Variants in SHTN1 observed in about 807,000 individuals in gnomAD.
SHTN1 encodes the protein shootin-1.
Under a neutral mutation model 83.1 loss-of-function variants are expected in SHTN1, and 42 were observed. The observed-to-expected ratio is 0.51, with a 90% CI of 0.39 to 0.65. The LOEUF (loss-of-function observed/expected upper bound fraction) is 0.65, where lower values mean the gene tolerates loss of function less well. Among genes scored for constraint, SHTN1 ranks in the 30% least tolerant of loss-of-function variants. The pLI is 0.00. For missense variants in SHTN1, 622 were observed against 737.8 expected (o/e 0.84, Z 1.82); for synonymous variants, 224 against 247.7 (o/e 0.90, Z 0.90).
intron 14 of SHTN1, chr10:116,907,763 A>G: frequency 2.3e-6 from 1 of 437,004 alleles, no homozygotes; most frequent in South Asian, 1.7e-5. Flanking sequence ...TGATCAGAGG[A>G]CATAAGAACC....
chr10:116,986,183 A>G (rs1230984488), intron 1 of SHTN1, among the ~76,000 whole-genome samples: 1 of 152,200 alleles, frequency 6.6e-6, no homozygotes, highest in Non-Finnish European at 1.5e-5. Flanking sequence ...TCTGTCATGT[A>G]AGGAGCTTGT....
intron 3 of SHTN1, among the ~76,000 whole-genome samples, chr10:116,960,839 AAATT>A (rs1407277942): frequency 3.3e-5 from 5 of 152,212 alleles, no homozygotes; most frequent in Non-Finnish European, 7.4e-5. Flanking sequence ...AGATGCTAAT[AAATT>A]ACTTCCTGAA....
intron 1 of SHTN1, among the ~76,000 whole-genome samples, chr10:116,980,640 T>TA (rs1230309968): frequency 6.8e-6 from 1 of 146,956 alleles, no homozygotes; most frequent in African/African-American, 2.5e-5. Flanking sequence ...GAAACAGAAA[T>TA]AAAAAATCCG....
chr10:117,024,348 CTTTTTTTTTT>C (rs1174576153), intron 2 of SHTN1, among the ~76,000 whole-genome samples: 2 of 77,710 alleles, frequency 2.6e-5, no homozygotes, highest in African/African-American at 5.2e-5. Flanking sequence ...CAAAACTTTT[CTTTTTTTTTT>C]TTTTTTTTTT....
intron 1 of SHTN1, among the ~76,000 whole-genome samples, chr10:117,057,010 C>A (rs527474002): frequency 2.4e-4 from 36 of 152,212 alleles, no homozygotes; most frequent in African/African-American, 8.7e-4. Flanking sequence ...ACTGGAAGTT[C>A]TAGCTACCGC....
intron 1 of SHTN1, among the ~76,000 whole-genome samples, chr10:117,105,831 A>C (rs1853661169): frequency 6.6e-6 from 1 of 152,128 alleles, no homozygotes; most frequent in African/African-American, 2.4e-5. Context: ...AGGCCCGGGC[A>C]ACATAGTGAA....
intron 1 of SHTN1, among the ~76,000 whole-genome samples, chr10:117,094,166 T>A (rs1377584589): frequency 6.6e-6 from 1 of 152,170 alleles, no homozygotes; most frequent in Non-Finnish European, 1.5e-5. Flanking sequence ...AAAAATGTAT[T>A]GCCCCAAAAA....
At chr10:117,002,895 T>A (rs1386296577) in intron 1 of SHTN1, among the ~76,000 whole-genome samples, 1 of 152,188 alleles carries the variant, frequency 6.6e-6, no homozygotes, top group Non-Finnish European at 1.5e-5. Context: ...AGGAAATATA[T>A]CCTCTAAAAA....
upstream of SHTN1, among the ~76,000 whole-genome samples, chr10:117,006,295 A>G (rs940237936): frequency 2.3e-4 from 34 of 150,542 alleles, no homozygotes; most frequent in African/African-American, 7.1e-4. Flanking sequence ...GGCCGGGCAC[A>G]GTGGCTCACG....
chr10:116,979,990 T>C (rs1197006026), intron 1 of SHTN1, among the ~76,000 whole-genome samples: 1 of 152,126 alleles, frequency 6.6e-6, no homozygotes, highest in African/African-American at 2.4e-5. Flanking sequence ...ATGGGGAAGA[T>C]ATGTTAAACT....
intron 1 of SHTN1, among the ~76,000 whole-genome samples, chr10:117,101,197 T>A (rs1853586847): frequency 6.6e-6 from 1 of 152,220 alleles, no homozygotes; most frequent in Non-Finnish European, 1.5e-5. Flanking sequence ...GATTTTCTTT[T>A]CACTACACTG....
At chr10:116,923,358 T>G (rs761668295) in intron 11 of SHTN1, among the ~76,000 whole-genome samples, 9 of 152,190 alleles carry the variant, frequency 5.9e-5, no homozygotes, top group Non-Finnish European at 1.2e-4. Context: ...GAATCAAGAA[T>G]TTTTGAATTC....
chr10:116,909,913 G>A (rs1848123457), intron 14 of SHTN1, among the ~76,000 whole-genome samples: 2 of 152,110 alleles, frequency 1.3e-5, no homozygotes, highest in African/African-American at 4.8e-5. Context: ...CAGTGCTTGT[G>A]TTTTTCAGTA....
chr10:116,994,582 T>C (rs1411473583), intron 1 of SHTN1, among the ~76,000 whole-genome samples: 2 of 152,106 alleles, frequency 1.3e-5, no homozygotes, highest in Middle Eastern at 3.2e-3. Context: ...GTGCTTCACA[T>C]TGTCTTTATT....
intron 1 of SHTN1, among the ~76,000 whole-genome samples, chr10:117,051,445 G>A (rs1423010905): frequency 1.3e-5 from 2 of 151,892 alleles, no homozygotes; most frequent in Non-Finnish European, 2.9e-5. Context: ...CACCAAGCCA[G>A]ACAAAGACAA....
intron 1 of SHTN1, among the ~76,000 whole-genome samples, chr10:116,991,568 G>A (rs978368810): frequency 3.9e-5 from 6 of 152,070 alleles, no homozygotes; most frequent in African/African-American, 1.4e-4. Context: ...CTCTCAGGGA[G>A]GCTATAGTAG....
chr10:117,089,076 G>C (rs569987137), intron 1 of SHTN1, among the ~76,000 whole-genome samples: 1 of 152,282 alleles, frequency 6.6e-6, no homozygotes, highest in East Asian at 1.9e-4. Context: ...TGGTAGGGCT[G>C]TACAGACAGC....
chr10:117,073,462 C>T (rs1853112874), intron 1 of SHTN1, among the ~76,000 whole-genome samples: 1 of 152,200 alleles, frequency 6.6e-6, no homozygotes, highest in Admixed American at 6.5e-5. Context: ...GCAATGGTCA[C>T]ATAGCTGGTA....
intron 1 of SHTN1, among the ~76,000 whole-genome samples, chr10:117,052,623 T>C (rs1313586297): frequency 1.3e-5 from 2 of 152,028 alleles, no homozygotes; most frequent in Non-Finnish European, 2.9e-5. Context: ...AATAAAACCA[T>C]ATGTCTATAG....
Sources: allele counts gnomAD v4.1 joint callset (sites outside exome capture counted in the v4.1 genomes callset), GRCh38; gene constraint gnomAD v4.1.1; transcripts MANE v1.5; gene names NCBI Gene and HGNC (gene_info 2026-07-23, HGNC 2026-07-21).